Variants in RBFOX2 observed in about 807,000 individuals in gnomAD.
RBFOX2 encodes RNA binding protein fox-1 homolog 2.
In RBFOX2, 10 loss-of-function variants were observed where a neutral mutation model predicts 49.1. The observed-to-expected ratio is 0.20, with a 90% CI of 0.13 to 0.35. The LOEUF (loss-of-function observed/expected upper bound fraction) is 0.35, where lower values mean the gene tolerates loss of function less well. Among genes scored for constraint, RBFOX2 ranks in the 10% least tolerant of loss-of-function variants. The pLI, the probability that RBFOX2 is intolerant of heterozygous loss-of-function variation, is 1.00. For synonymous variants in RBFOX2, 183 were observed against 187.4 expected (o/e 0.98, Z 0.19); for missense variants, 323 against 486.9 (o/e 0.66, Z 3.17).
intron 1 of RBFOX2, among the ~76,000 whole-genome samples, chr22:35,823,645 T>C (rs1429943306): frequency 1.3e-5 from 2 of 152,212 alleles, no homozygotes; most frequent in East Asian, 1.9e-4. Context: ...GTTTCCTGTA[T>C]ATATTTGAGA....
At chr22:35,771,194 TAGAG>T (rs1405572027) in intron 4 of RBFOX2, among the ~76,000 whole-genome samples, 3 of 152,194 alleles carry the variant, frequency 2.0e-5, no homozygotes, top group East Asian at 3.9e-4. Context: ...GATCTTGAGA[TAGAG>T]AGATTATCCT....
At chr22:35,976,148 G>A (rs572703048) in intron 1 of RBFOX2, among the ~76,000 whole-genome samples, 1 of 152,156 alleles carries the variant, frequency 6.6e-6, no homozygotes, top group South Asian at 2.1e-4. Context: ...AAATGAAAAG[G>A]CTGAACAACA....
At chr22:35,977,959 C>T (rs750166488) in intron 1 of RBFOX2, among the ~76,000 whole-genome samples, 9 of 151,444 alleles carry the variant, frequency 5.9e-5, no homozygotes, top group African/African-American at 1.2e-4. Context: ...GGTCAGGGGG[C>T]ACTGGAAGAC....
upstream of RBFOX2, among the ~76,000 whole-genome samples, chr22:35,964,289 T>C (rs552231198): frequency 6.6e-6 from 1 of 152,174 alleles, no homozygotes; most frequent in South Asian, 2.1e-4. Context: ...CGATAAAATA[T>C]AGGACACTTG....
intron 1 of RBFOX2, among the ~76,000 whole-genome samples, chr22:35,831,612 G>A (rs1441800026): frequency 1.3e-5 from 2 of 152,150 alleles, no homozygotes; most frequent in African/African-American, 2.4e-5. Flanking sequence ...GCACAGCCGG[G>A]TAGTTGTGAC....
chr22:35,840,347 C>A, exon 1 of RBFOX2: 1 of 1,554,514 alleles, frequency 6.4e-7, no homozygotes, highest in Non-Finnish European at 8.7e-7. Context: ...TCTCTTTATA[C>A]CGTTTTCCTT....
chr22:35,894,299 T>C (rs1271699669), intron 1 of RBFOX2, among the ~76,000 whole-genome samples: 1 of 152,194 alleles, frequency 6.6e-6, no homozygotes, highest in African/African-American at 2.4e-5. Context: ...CCTCACACAA[T>C]TTTAATAACA....
intron 1 of RBFOX2, among the ~76,000 whole-genome samples, chr22:35,947,672 T>TAAAAAAAAAAATAAAAAAAA (rs2054450454): frequency 2.9e-5 from 1 of 34,146 alleles, no homozygotes. Flanking sequence ...GTTTAAAAAG[T>TAAAAAAAAAAATAAAAAAAA]AAAAAAAAAA....
At chr22:35,937,698 C>A (rs1480258246) in intron 1 of RBFOX2, among the ~76,000 whole-genome samples, 1 of 152,170 alleles carries the variant, frequency 6.6e-6, no homozygotes, top group Non-Finnish European at 1.5e-5. Flanking sequence ...TCAAGCAATT[C>A]TCCTGCCTCA....
intron 1 of RBFOX2, among the ~76,000 whole-genome samples, chr22:35,822,540 A>T (rs543785937): frequency 6.6e-6 from 1 of 152,188 alleles, no homozygotes. Context: ...GTTAGCTAGT[A>T]TGAGTTTCCT....
At chr22:35,828,709 T>C (rs1271918678) in intron 1 of RBFOX2, among the ~76,000 whole-genome samples, 1 of 152,030 alleles carries the variant, frequency 6.6e-6, no homozygotes, top group Non-Finnish European at 1.5e-5. Flanking sequence ...CCAGGAAAAA[T>C]TAACCAGAGA....
intron 1 of RBFOX2, among the ~76,000 whole-genome samples, chr22:36,026,641 T>C (rs2059450876): frequency 6.6e-6 from 1 of 151,792 alleles, no homozygotes; most frequent in Admixed American, 6.6e-5. Flanking sequence ...TTAGCTCACC[T>C]CACCTGAAGT....
intron 1 of RBFOX2, among the ~76,000 whole-genome samples, chr22:35,828,268 G>A (rs1359969381): frequency 6.6e-6 from 1 of 152,044 alleles, no homozygotes; most frequent in Non-Finnish European, 1.5e-5. Flanking sequence ...AGTAGGCAAG[G>A]AAGGACAGAG....
chr22:35,903,438 CA>C (rs2048805811), intron 1 of RBFOX2, among the ~76,000 whole-genome samples: 1 of 152,116 alleles, frequency 6.6e-6, no homozygotes, highest in South Asian at 2.1e-4. Context: ...CTCTAAAAGG[CA>C]AGTGTTCCTT....
chr22:35,877,187 G>C (rs2045237109), intron 1 of RBFOX2, among the ~76,000 whole-genome samples: 1 of 151,778 alleles, frequency 6.6e-6, no homozygotes, highest in Non-Finnish European at 1.5e-5. Context: ...ATGAAACAAA[G>C]ACATGAAGAT....
chr22:35,867,231 T>C (rs191521805), intron 1 of RBFOX2, among the ~76,000 whole-genome samples: 1 of 152,348 alleles, frequency 6.6e-6, no homozygotes, highest in Non-Finnish European at 1.5e-5. Context: ...GTAGTTTGCC[T>C]ATGTCAAAAT....
At chr22:35,984,946 C>T (rs5756031) in intron 1 of RBFOX2, among the ~76,000 whole-genome samples, 32,392 of 152,092 alleles carry the variant, frequency 0.21, 5,209 homozygotes, top group African/African-American at 0.46. Flanking sequence ...AAATGAGACA[C>T]AGTCACTGGC....
intron 1 of RBFOX2, among the ~76,000 whole-genome samples, chr22:35,978,282 AAC>A (rs577013779): frequency 3.7e-4 from 57 of 152,312 alleles, no homozygotes; most frequent in South Asian, 8.3e-4. Context: ...TAAAATATGT[AAC>A]ACACACACAA....
At chr22:36,003,042 C>A (rs1481835307) in intron 1 of RBFOX2, among the ~76,000 whole-genome samples, 1 of 152,202 alleles carries the variant, frequency 6.6e-6, no homozygotes, top group Non-Finnish European at 1.5e-5. Flanking sequence ...GAACTCTTAT[C>A]CCCTATACAA....
Sources: allele counts gnomAD v4.1 joint callset (sites outside exome capture counted in the v4.1 genomes callset), GRCh38; gene constraint gnomAD v4.1.1; transcripts MANE v1.5; gene names NCBI Gene and HGNC (gene_info 2026-07-23, HGNC 2026-07-21).